Variants in RNF130 observed in about 807,000 individuals in gnomAD.
RNF130 encodes E3 ubiquitin-protein ligase RNF130.
Under a neutral mutation model 44.6 loss-of-function variants are expected in RNF130, and 21 were observed. The observed-to-expected ratio is 0.47, with a 90% CI of 0.33 to 0.68. RNF130 has a LOEUF of 0.68. Among genes scored for constraint, RNF130 ranks in the 30% least tolerant of loss-of-function variants. The pLI, the probability that RNF130 is intolerant of heterozygous loss-of-function variation, is 0.02. For synonymous variants in RNF130, 214 were observed against 210.4 expected, an observed-to-expected ratio of 1.02 and a Z score of -0.15; for missense variants, 479 against 560.6, an observed-to-expected ratio of 0.85 and a Z score of 1.47.
chr5:179,984,714 T>C (rs1225816895), intron 3 of RNF130, among the ~76,000 whole-genome samples: 2 of 152,194 alleles, frequency 1.3e-5, no homozygotes, highest in Non-Finnish European at 2.9e-5. Context: ...GTAGTAGTTC[T>C]GTCTAGTTTT....
At chr5:179,930,869 T>C (rs779855755) in intron 7 of RNF130, among the ~76,000 whole-genome samples, 1 of 151,538 alleles carries the variant, frequency 6.6e-6, no homozygotes, top group Non-Finnish European at 1.5e-5. Flanking sequence ...CAAAACCCGG[T>C]CTCTACTAAA....
intron 2 of RNF130, among the ~76,000 whole-genome samples, chr5:180,032,578 T>C (rs1764154154): frequency 3.3e-5 from 5 of 152,228 alleles, no homozygotes; most frequent in Admixed American, 3.3e-4. Flanking sequence ...GTTTCAGCAC[T>C]GGTTGTTGAA....
chr5:180,064,661 A>C (rs1765058660), intron 1 of RNF130, among the ~76,000 whole-genome samples: 2 of 152,328 alleles, frequency 1.3e-5, no homozygotes, highest in Non-Finnish European at 1.5e-5. Flanking sequence ...TCGCAACTAG[A>C]AACTATCTCT....
intron 3 of RNF130, among the ~76,000 whole-genome samples, chr5:180,005,248 C>T (rs541476962): frequency 2.6e-4 from 39 of 152,038 alleles, no homozygotes; most frequent in Non-Finnish European, 4.6e-4. Context: ...GCCAACATGG[C>T]GAAACCCCGT....
chr5:180,055,526 T>G (rs1431801733), intron 1 of RNF130, among the ~76,000 whole-genome samples: 1 of 152,044 alleles, frequency 6.6e-6, no homozygotes, highest in Admixed American at 6.6e-5. Context: ...GTATACCAGT[T>G]GTCCTAAATA....
intron 1 of RNF130, among the ~76,000 whole-genome samples, chr5:180,064,811 C>T (rs1765064122): frequency 6.6e-6 from 1 of 152,180 alleles, no homozygotes; most frequent in African/African-American, 2.4e-5. Flanking sequence ...GTCTTCCATG[C>T]TTTAACTACA....
chr5:179,930,160 C>T (rs1055830110), intron 7 of RNF130, among the ~76,000 whole-genome samples: 2 of 152,084 alleles, frequency 1.3e-5, no homozygotes, highest in African/African-American at 2.4e-5. Flanking sequence ...CGGGTTCAAG[C>T]GATTCTCCTG....
intron 5 of RNF130, among the ~76,000 whole-genome samples, chr5:179,974,675 G>A (rs1007918371): frequency 7.2e-5 from 11 of 152,238 alleles, no homozygotes; most frequent in East Asian, 1.9e-4. Context: ...GACAGCAGAC[G>A]CTGTGGGGCA....
intron 3 of RNF130, among the ~76,000 whole-genome samples, chr5:179,997,990 C>T (rs756151553): frequency 5.2e-4 from 79 of 151,652 alleles, no homozygotes; most frequent in Non-Finnish European, 6.8e-4. Context: ...TACAGGTGCG[C>T]GCCACCACAC....
At chr5:179,948,412 G>A (rs1762075212) in intron 7 of RNF130, among the ~76,000 whole-genome samples, 1 of 152,172 alleles carries the variant, frequency 6.6e-6, no homozygotes, top group Non-Finnish European at 1.5e-5. Flanking sequence ...GCTCATGCCT[G>A]TAATCCCAGC....
chr5:179,968,783 T>C (rs1762513347), intron 6 of RNF130, among the ~76,000 whole-genome samples: 1 of 152,166 alleles, frequency 6.6e-6, no homozygotes. Context: ...GGGGGACATC[T>C]GGCAACGTCT....
intron 1 of RNF130, among the ~76,000 whole-genome samples, chr5:180,043,058 C>T (rs1764463741): frequency 6.6e-6 from 1 of 152,248 alleles, no homozygotes; most frequent in Non-Finnish European, 1.5e-5. Context: ...TGGCACACAC[C>T]TGTAATCCCA....
At chr5:179,979,085 C>G (rs1439396772) in intron 4 of RNF130, among the ~76,000 whole-genome samples, 1 of 151,684 alleles carries the variant, frequency 6.6e-6, no homozygotes, top group Admixed American at 6.6e-5. Context: ...TGTGCTGGCC[C>G]GGGATACAAA....
chr5:180,002,428 G>A (rs1335936706), intron 3 of RNF130, among the ~76,000 whole-genome samples: 2 of 152,174 alleles, frequency 1.3e-5, no homozygotes, highest in Non-Finnish European at 2.9e-5. Context: ...ACTCACCCCT[G>A]GAGCAAGACA....
chr5:179,969,297 A>G lies in RNF130; in HGVS notation c.945+1113T>C, dbSNP rs1024573270. 2.0e-5 allele frequency among the ~76,000 whole-genome samples: 3 copies of G among 151,962 alleles called. No individual in the cohort carries two copies. In the East Asian group the frequency reaches 5.9e-4, roughly 30 times the overall value. On this transcript the variant is annotated intron_variant, in intron 6 of 8. Transcript: ENST00000521389. ...GGCACGCCTGGCGACAGCCCCTGCCAGGCTGTGGTTGTCAACAGTTCTCCT... is the reference window on the plus strand; with the variant it reads ...GGCACGCCTGGCGACAGCCCCTGCCGGGCTGTGGTTGTCAACAGTTCTCCT...
At chr5:179,969,470 C>T (rs770215165) in intron 6 of RNF130, among the ~76,000 whole-genome samples, 1 of 152,088 alleles carries the variant, frequency 6.6e-6, no homozygotes, top group Non-Finnish European at 1.5e-5. Context: ...ACAGAGTCAA[C>T]AGCATACAGC....
intron 3 of RNF130, among the ~76,000 whole-genome samples, chr5:179,999,496 C>A (rs540704527): frequency 2.0e-5 from 3 of 151,892 alleles, no homozygotes; most frequent in Admixed American, 6.6e-5. Flanking sequence ...CCAAGACGGG[C>A]GGATCACCTG....
chr5:179,966,677 C>G, intron 7 of RNF130, 129 bp downstream of exon 7: 1 of 737,082 alleles, frequency 1.4e-6, no homozygotes, highest in Non-Finnish European at 2.3e-6. Flanking sequence ...GTTTTAACAG[C>G]AACACACATC....
intron 2 of RNF130, among the ~76,000 whole-genome samples, chr5:180,032,037 T>C (rs1228906476): frequency 6.6e-6 from 1 of 152,250 alleles, no homozygotes; most frequent in Admixed American, 6.5e-5. Context: ...TTAAACCTTT[T>C]GCCCGTTGTA....
Sources: allele counts gnomAD v4.1 joint callset (sites outside exome capture counted in the v4.1 genomes callset), GRCh38; gene constraint gnomAD v4.1.1; transcripts MANE v1.5; gene names NCBI Gene and HGNC (gene_info 2026-07-23, HGNC 2026-07-21).